ZNF438: variants seen among roughly 807,000 people sequenced by gnomAD.
ZNF438 encodes the protein zinc finger protein 438.
In ZNF438, 25 loss-of-function variants were observed where a neutral mutation model predicts 38.0. The observed-to-expected ratio is 0.66, with a 90% confidence interval of 0.48 to 0.92. The LOEUF (loss-of-function observed/expected upper bound fraction) is 0.92. Ranked by LOEUF, ZNF438 falls within the 40% of genes least tolerant of loss-of-function variation. ZNF438 has a pLI of 0.00. For missense variants in ZNF438, 1,007 were observed against 999.6 expected (o/e 1.01, Z -0.10); for synonymous variants, 372 against 364.1 (o/e 1.02, Z -0.25).
intron 1 of ZNF438, among the ~76,000 whole-genome samples, chr10:30,964,070 G>C (rs899219804): frequency 6.6e-6 from 1 of 152,158 alleles, no homozygotes; most frequent in Non-Finnish European, 1.5e-5. Context: ...CTAGGTGGAA[G>C]CTTTTCTGAA....
At chr10:30,937,188 G>A (rs1447769309) in intron 2 of ZNF438, among the ~76,000 whole-genome samples, 1 of 152,170 alleles carries the variant, frequency 6.6e-6, no homozygotes, top group Non-Finnish European at 1.5e-5. Flanking sequence ...CCAAATGGAG[G>A]GTGAGGGGCT....
intron 1 of ZNF438, among the ~76,000 whole-genome samples, chr10:30,945,492 G>A (rs552585206): frequency 1.1e-3 from 172 of 151,444 alleles, no homozygotes; most frequent in African/African-American, 4.1e-3. Flanking sequence ...ACGCTGGTGC[G>A]CTGCACCCAC....
Position 30,852,248 on chromosome 10 carries a change from T to C in ZNF438, c.38-1881A>G, listed in dbSNP as rs1020043005. Among the ~76,000 whole-genome samples the C allele has an allele frequency of 3.0e-4, 45 of 152,076 alleles. 2 individuals are homozygous for C. Among genetic ancestry groups the C allele is most frequent in the Middle Eastern group, 6.8e-3 (2 of 292 alleles). ...TTTTTGAGACGGAGTTTTGCTCTTA[T>C]TGCTTAGGTGAGTGCAATGGTGCGA... On this transcript the variant is annotated intron_variant, in intron 4 of 5. Coordinates refer to ENST00000413025, the Ensembl canonical transcript of ZNF438.
intron 5 of ZNF438, 112 bp from the exon 7 acceptor site, chr10:30,845,685 C>A: frequency 7.5e-7 from 1 of 1,326,922 alleles, no homozygotes; most frequent in Non-Finnish European, 1.0e-6. Context: ...ACGAGAAAGA[C>A]AAGGGCTGGG....
chr10:30,892,307 A>G (rs1159225066), intron 3 of ZNF438, among the ~76,000 whole-genome samples: 3 of 151,496 alleles, frequency 2.0e-5, no homozygotes, highest in African/African-American at 7.3e-5. Flanking sequence ...GAAGAAATTA[A>G]CAATAACTAA....
rs947031672 is a variant in ZNF438 at position 30,961,892 on chromosome 10, GAA to G, written c.-191-20243_-191-20242del. Among the ~76,000 whole-genome samples the G allele has an allele frequency of 6.7e-4, 45 of 67,110 alleles. 1 individual carries two copies. Among genetic ancestry groups the G allele is most frequent in the African/African-American group, 2.1e-3 (41 of 19,520 alleles). The allele number at this position is 67,110 out of a possible 152,430, so 44.0% of individuals were successfully genotyped here. On this transcript the variant is annotated intron_variant, in intron 1 of 5. Transcript: ENST00000413025. ...GACAGAGTGAGACTCCATCCCAAAAGAAAAAAAAAAAAAAAAAGTTTTACAAA... is the reference window on the plus strand; with the variant it reads ...GACAGAGTGAGACTCCATCCCAAAAGAAAAAAAAAAAAAAAGTTTTACAAA...
intron 4 of ZNF438, among the ~76,000 whole-genome samples, chr10:30,871,325 T>A (rs1436323550): frequency 6.6e-6 from 1 of 152,044 alleles, no homozygotes; most frequent in South Asian, 2.1e-4. Flanking sequence ...TGGTGTTTCA[T>A]TAAAAAAAAA....
chr10:30,923,242 C>G (rs2044528292), intron 2 of ZNF438: 1 of 152,184 alleles, frequency 6.6e-6, no homozygotes, highest in Non-Finnish European at 1.5e-5. Context: ...TTTTAAAGCT[C>G]AGGTGTTATG....
intron 1 of ZNF438, among the ~76,000 whole-genome samples, chr10:30,987,380 A>C (rs190462422): frequency 6.6e-6 from 1 of 151,914 alleles, no homozygotes; most frequent in African/African-American, 2.4e-5. Context: ...AAAAAAAAAA[A>C]TTCCAGCATG....
At chr10:30,918,164 C>A (rs1024787238) in intron 2 of ZNF438, among the ~76,000 whole-genome samples, 1 of 152,128 alleles carries the variant, frequency 6.6e-6, no homozygotes, top group Non-Finnish European at 1.5e-5. Flanking sequence ...ATCCTTATGG[C>A]AGCACCATGC....
chr10:30,993,552 C>T (rs1410771682), intron 1 of ZNF438, among the ~76,000 whole-genome samples: 8 of 152,188 alleles, frequency 5.3e-5, no homozygotes, highest in African/African-American at 1.7e-4. Context: ...ACCTAGATTT[C>T]AAAGGATATA....
At chr10:30,967,001 G>A (rs2050193354) in intron 1 of ZNF438, among the ~76,000 whole-genome samples, 1 of 152,054 alleles carries the variant, frequency 6.6e-6, no homozygotes, top group Non-Finnish European at 1.5e-5. Context: ...TTCCCAAGTT[G>A]ATGACTGAGG....
At chr10:30,914,667 A>C (rs2043412446) in intron 2 of ZNF438, among the ~76,000 whole-genome samples, 1 of 152,052 alleles carries the variant, frequency 6.6e-6, no homozygotes, top group Non-Finnish European at 1.5e-5. Context: ...TTTCTCAAAG[A>C]CACTGGATTA....
At chr10:30,993,058 A>T (rs757435129) in intron 1 of ZNF438, among the ~76,000 whole-genome samples, 1 of 152,252 alleles carries the variant, frequency 6.6e-6, no homozygotes, top group Non-Finnish European at 1.5e-5. Flanking sequence ...TCAAATGAAA[A>T]GCAAAGTGGA....
At chr10:30,868,376 G>T (rs568103128) in intron 4 of ZNF438, among the ~76,000 whole-genome samples, 2 of 152,076 alleles carry the variant, frequency 1.3e-5, no homozygotes, top group Non-Finnish European at 2.9e-5. Flanking sequence ...CGGCCTGAAG[G>T]ATTTTTTTAA....
chr10:30,961,744 C>T (rs1302483517), intron 1 of ZNF438, among the ~76,000 whole-genome samples: 4 of 145,420 alleles, frequency 2.8e-5, no homozygotes, highest in African/African-American at 7.3e-5. Context: ...AGAGATTGGC[C>T]GGGTGTGGTG....
chr10:30,976,199 A>G (rs1320131277), intron 1 of ZNF438, among the ~76,000 whole-genome samples: 1 of 152,224 alleles, frequency 6.6e-6, no homozygotes, highest in Admixed American at 6.5e-5. Flanking sequence ...ATTTCAAACA[A>G]AAAGCTGAAA....
intron 5 of ZNF438, among the ~76,000 whole-genome samples, chr10:30,847,114 A>C (rs1045946031): frequency 6.6e-6 from 1 of 152,188 alleles, no homozygotes; most frequent in Non-Finnish European, 1.5e-5. Flanking sequence ...GGGAGCAAAG[A>C]AGCTCCTGGG....
chr10:30,887,386 T>G (rs1347146366), intron 3 of ZNF438, among the ~76,000 whole-genome samples: 6 of 152,128 alleles, frequency 3.9e-5, no homozygotes, highest in Non-Finnish European at 8.8e-5. Context: ...AAACTCTTTT[T>G]TTTTGAGACG....
Sources: allele counts gnomAD v4.1 joint callset (sites outside exome capture counted in the v4.1 genomes callset), GRCh38; gene constraint gnomAD v4.1.1; transcripts MANE v1.5; gene names NCBI Gene and HGNC (gene_info 2026-07-23, HGNC 2026-07-21).